TPST1: variants seen among roughly 807,000 people sequenced by gnomAD.
TPST1 encodes tyrosylprotein sulfotransferase 1.
In TPST1, 20 loss-of-function variants were observed where a neutral mutation model predicts 34.8. The ratio of observed to expected loss-of-function variants is 0.57; its 90% CI spans 0.40 to 0.84. The LOEUF is 0.84. TPST1 is among the 40% of genes least tolerant of loss of function. The pLI is 0.00. For missense variants in TPST1, 353 were observed against 455.5 expected, an observed-to-expected ratio of 0.78 and a Z score of 2.05; for synonymous variants, 152 against 159.4, an observed-to-expected ratio of 0.95 and a Z score of 0.35.
chr7:66,328,884 C>CTATATA (rs1562847162), intron 3 of TPST1, among the ~76,000 whole-genome samples: 8 of 29,418 alleles, frequency 2.7e-4, no homozygotes, highest in African/African-American at 6.1e-4. Context: ...CTCTCTCTCT[C>CTATATA]TCTATATATA....
At chr7:66,209,425 G>T (rs555566258) in intron 1 of TPST1, among the ~76,000 whole-genome samples, 1 of 152,190 alleles carries the variant, frequency 6.6e-6, no homozygotes, top group African/African-American at 2.4e-5. Context: ...TGATGATAGC[G>T]AGGAACCTTT....
intron 2 of TPST1, among the ~76,000 whole-genome samples, chr7:66,256,984 T>C (rs543450892): frequency 2.1e-4 from 32 of 152,318 alleles, no homozygotes; most frequent in Admixed American, 1.6e-3. Context: ...TCTCACTCTG[T>C]TGCCTAGGCT....
chr7:66,324,050 C>G (rs193093478), intron 3 of TPST1, among the ~76,000 whole-genome samples: 45 of 152,200 alleles, frequency 3.0e-4, no homozygotes, highest in African/African-American at 1.0e-3. Flanking sequence ...CAATAGATCA[C>G]AAAGGAATAT....
intron 3 of TPST1, among the ~76,000 whole-genome samples, chr7:66,306,825 G>T (rs1791432822): frequency 6.6e-6 from 1 of 152,080 alleles, no homozygotes; most frequent in Non-Finnish European, 1.5e-5. Context: ...CGACTCTTTT[G>T]CCTCAGCCTC....
intron 1 of TPST1, among the ~76,000 whole-genome samples, chr7:66,229,332 G>T (rs891604868): frequency 1.3e-5 from 2 of 152,070 alleles, no homozygotes; most frequent in South Asian, 4.1e-4. Context: ...GGATGGTCTC[G>T]ATCTCCTGAC....
intron 3 of TPST1, among the ~76,000 whole-genome samples, chr7:66,334,117 G>A (rs1380920706): frequency 2.6e-5 from 4 of 152,118 alleles, no homozygotes; most frequent in Non-Finnish European, 2.9e-5. Flanking sequence ...TAGGGGAAAC[G>A]GATGAAGTCT....
intron 3 of TPST1, among the ~76,000 whole-genome samples, chr7:66,298,502 T>A (rs1397814224): frequency 6.6e-6 from 1 of 152,202 alleles, no homozygotes; most frequent in Non-Finnish European, 1.5e-5. Flanking sequence ...ATTCTTTTAC[T>A]TTTAATCTGT....
intron 3 of TPST1, among the ~76,000 whole-genome samples, chr7:66,304,761 C>G (rs956564838): frequency 3.3e-5 from 5 of 151,982 alleles, no homozygotes; most frequent in Non-Finnish European, 7.4e-5. Context: ...CTAGCTGAGT[C>G]ACATCCCCTC....
At chr7:66,213,493 C>T (rs1204614641) in intron 1 of TPST1, among the ~76,000 whole-genome samples, 3 of 152,148 alleles carry the variant, frequency 2.0e-5, no homozygotes, top group Admixed American at 6.6e-5. Context: ...CGGTGGCTCA[C>T]GCCTGTAATC....
intron 3 of TPST1, among the ~76,000 whole-genome samples, chr7:66,315,910 AGACCAGCCT>A (rs971770685): frequency 2.0e-5 from 3 of 152,180 alleles, no homozygotes; most frequent in Admixed American, 6.5e-5. Flanking sequence ...CTGGAGTTCG[AGACCAGCCT>A]GACCAACATG....
intron 2 of TPST1, among the ~76,000 whole-genome samples, chr7:66,276,088 C>T (rs1790804076): frequency 6.6e-6 from 1 of 151,418 alleles, no homozygotes; most frequent in Non-Finnish European, 1.5e-5. Flanking sequence ...CCTAGATACT[C>T]AAATATTTTT....
At chr7:66,234,248 A>T (rs1406132998) in intron 1 of TPST1, among the ~76,000 whole-genome samples, 2 of 152,152 alleles carry the variant, frequency 1.3e-5, no homozygotes, top group African/African-American at 4.8e-5. Flanking sequence ...TCTTCCCTTC[A>T]CTAATTCCTA....
intron 3 of TPST1, among the ~76,000 whole-genome samples, chr7:66,305,441 A>G (rs546083451): frequency 6.6e-6 from 1 of 152,278 alleles, no homozygotes; most frequent in South Asian, 2.1e-4. Context: ...ATATCCCGTT[A>G]ACTTTCCATA....
At chr7:66,356,468 C>A (rs1053616980) in intron 4 of TPST1, among the ~76,000 whole-genome samples, 1 of 152,238 alleles carries the variant, frequency 6.6e-6, no homozygotes, top group African/African-American at 2.4e-5. Context: ...TCCAGCCAAC[C>A]TCCCCTCCCC....
intron 2 of TPST1, among the ~76,000 whole-genome samples, chr7:66,250,841 G>C (rs942544558): frequency 3.3e-5 from 5 of 152,166 alleles, no homozygotes; most frequent in African/African-American, 1.2e-4. Flanking sequence ...TAAGCACTGC[G>C]ATACTGCTAC....
intron 3 of TPST1, among the ~76,000 whole-genome samples, chr7:66,324,993 A>G (rs142416429): frequency 1.6e-4 from 24 of 152,258 alleles, no homozygotes; most frequent in African/African-American, 5.3e-4. Flanking sequence ...TTCTACCTGT[A>G]TTAGTCCGTT....
chr7:66,272,112 T>C (rs1166078028), intron 2 of TPST1, among the ~76,000 whole-genome samples: 1 of 152,194 alleles, frequency 6.6e-6, no homozygotes, highest in Non-Finnish European at 1.5e-5. Context: ...CATATGTATA[T>C]TAAATAGATT....
intron 2 of TPST1, among the ~76,000 whole-genome samples, chr7:66,270,865 CAG>C (rs1382889808): frequency 6.6e-6 from 1 of 152,174 alleles, no homozygotes. Flanking sequence ...CATTGATCCT[CAG>C]TGCCTAGATT....
chr7:66,298,676 G>A lies in TPST1; in HGVS notation c.1044+11967G>A, dbSNP rs184905653. ...TTGGATCATCTATTTTTGTTTCTTTGTTTCTCTTTTCCTGCCTTCTTTTGG... is the reference window on the plus strand; with the variant it reads ...TTGGATCATCTATTTTTGTTTCTTTATTTCTCTTTTCCTGCCTTCTTTTGG... On this transcript the variant is annotated intron_variant, in intron 3 of 5. Transcript: ENST00000304842. 1.4e-4 allele frequency among the ~76,000 whole-genome samples: 21 copies of A among 151,948 alleles called. No homozygotes were observed. The East Asian group carries it at 3.9e-3, about 28-fold the overall frequency.
Sources: gnomAD v4.1 joint callset for allele counts (sites outside exome capture counted in the v4.1 genomes callset) on GRCh38, gnomAD v4.1.1 for gene constraint, MANE v1.5 for transcripts, NCBI Gene and HGNC (gene_info 2026-07-23, HGNC 2026-07-21) for gene names.